TET2: variants seen among roughly 807,000 people sequenced by gnomAD.
TET2 encodes the protein tet methylcytosine dioxygenase 2.
TET2 carries 299 observed loss-of-function variants against 142.9 expected under a neutral mutation model. That is an observed-to-expected ratio of 2.09 (90% confidence interval 1.90 to 2.30). The LOEUF (loss-of-function observed/expected upper bound fraction) is 2.30. TET2 is among the 30% of genes most tolerant of loss of function. The probability of loss-of-function intolerance (pLI) is 0.00; values close to 1 mark genes in which losing one functional copy is unlikely to be tolerated. For missense variants in TET2, 2,418 were observed against 2,378.0 expected (o/e 1.02, Z -0.35); for synonymous variants, 819 against 849.0 (o/e 0.96, Z 0.61).
At chr4:105,196,202 T>C (rs1295379959) in intron 2 of TET2, among the ~76,000 whole-genome samples, 1 of 151,920 alleles carries the variant, frequency 6.6e-6, no homozygotes, top group Non-Finnish European at 1.5e-5. Context: ...AAAGTACCTC[T>C]GTATGCCCAT....
chr4:105,239,074 G>GTTTTTTTTTTT (rs372909927), intron 3 of TET2: 83 of 211,920 alleles, frequency 3.9e-4, no homozygotes, highest in Middle Eastern at 1.6e-3. Flanking sequence ...TTTGTTTTTT[G>GTTTTTTTTTTT]TTTTTTTTTT....
chr4:105,246,394 A>G (rs1362400738), intron 6 of TET2, among the ~76,000 whole-genome samples: 1 of 152,276 alleles, frequency 6.6e-6, no homozygotes, highest in Non-Finnish European at 1.5e-5. Flanking sequence ...TCAGGCAGAT[A>G]CAAAACTATT....
chr4:105,225,582 C>T (rs143688226), intron 2 of TET2, among the ~76,000 whole-genome samples: 50 of 152,188 alleles, frequency 3.3e-4, no homozygotes, highest in African/African-American at 1.2e-3. Flanking sequence ...GGCTGATATG[C>T]CCACATTGAC....
intron 1 of TET2, among the ~76,000 whole-genome samples, chr4:105,153,669 T>G (rs6533181): frequency 0.74 from 112,247 of 152,154 alleles, 42,082 homozygotes; most frequent in African/African-American, 0.87. Context: ...TCATACAGCC[T>G]ATACATGGCT....
At chr4:105,183,795 TC>T (rs1459879147) in intron 1 of TET2, among the ~76,000 whole-genome samples, 1 of 152,148 alleles carries the variant, frequency 6.6e-6, no homozygotes, top group Non-Finnish European at 1.5e-5. Flanking sequence ...TACCTGAAGT[TC>T]CTTGTGTGAA....
chr4:105,151,682 A>G (rs1723306976), intron 1 of TET2, among the ~76,000 whole-genome samples: 1 of 152,048 alleles, frequency 6.6e-6, no homozygotes, highest in Non-Finnish European at 1.5e-5. Context: ...TTCAATAAAA[A>G]TAAAAATAAA....
At chr4:105,240,324 T>G in intron 3 of TET2, 1 of 1,063,166 alleles carries the variant, frequency 9.4e-7, no homozygotes, top group African/African-American at 1.7e-5. Flanking sequence ...TATGCCTGTA[T>G]TTTTAAAAAA....
rs569638756 is a variant in TET2, at chr4:105,228,929, C to T, written c.-46-4968C>T. Among the ~76,000 whole-genome samples the T allele has an allele frequency of 1.2e-4, 18 of 152,212 alleles. No individual in the cohort carries two copies. The South Asian group carries it at 1.7e-3, about 14-fold the overall frequency. On this transcript the variant is annotated intron_variant, in intron 2 of 10. Transcript: ENST00000380013. The stretch of plus-strand genomic sequence containing the variant: ...TTGATGATTAAAAGCCATTGTCTCA[C>T]CCAAATTTTCTACTTGTTCAATAGA...
intron 3 of TET2, chr4:105,240,360 G>C: frequency 9.4e-7 from 1 of 1,069,390 alleles, no homozygotes; most frequent in Non-Finnish European, 1.1e-6. Context: ...TTCAGGATAT[G>C]TAATAGGTCT....
chr4:105,159,254 T>TC (rs1448771421), intron 1 of TET2, among the ~76,000 whole-genome samples: 97 of 148,282 alleles, frequency 6.5e-4, no homozygotes, highest in African/African-American at 9.4e-4. Flanking sequence ...TTTCTTTCTT[T>TC]TTTTTTTTTT....
At chr4:105,211,372 T>G (rs1727150294) in intron 2 of TET2, among the ~76,000 whole-genome samples, 1 of 152,202 alleles carries the variant, frequency 6.6e-6, no homozygotes, top group Non-Finnish European at 1.5e-5. Flanking sequence ...GGTGAAGGAA[T>G]CCAGACTATC....
chr4:105,163,899 T>C (rs1041871613), intron 1 of TET2, among the ~76,000 whole-genome samples: 23 of 150,676 alleles, frequency 1.5e-4, no homozygotes, highest in Admixed American at 1.1e-3. Context: ...TCCAGCTTTG[T>C]TGAGGTATAA....
chr4:105,178,336 T>C (rs187936671), intron 1 of TET2, among the ~76,000 whole-genome samples: 1 of 152,222 alleles, frequency 6.6e-6, no homozygotes, highest in East Asian at 1.9e-4. Flanking sequence ...AAGAAGCTAA[T>C]CCGAAAAGGC....
chr4:105,164,772 G>T (rs1253924098), intron 1 of TET2, among the ~76,000 whole-genome samples: 1 of 152,186 alleles, frequency 6.6e-6, no homozygotes, highest in Non-Finnish European at 1.5e-5. Flanking sequence ...GACCTGACAG[G>T]GAGATTGCAC....
At chr4:105,233,027 A>G (rs1445945060) in intron 2 of TET2, among the ~76,000 whole-genome samples, 1 of 152,216 alleles carries the variant, frequency 6.6e-6, no homozygotes, top group East Asian at 1.9e-4. Context: ...TTTGATAACA[A>G]AGGGAACCTT....
chr4:105,174,531 A>G (rs1724668149), intron 1 of TET2, among the ~76,000 whole-genome samples: 1 of 152,224 alleles, frequency 6.6e-6, no homozygotes, highest in African/African-American at 2.4e-5. Flanking sequence ...AGACAGGTAG[A>G]TAGAAAGAAT....
chr4:105,225,049 T>C (rs1361169558), intron 2 of TET2, among the ~76,000 whole-genome samples: 3 of 152,214 alleles, frequency 2.0e-5, no homozygotes, highest in African/African-American at 7.2e-5. Flanking sequence ...TAAAACTGCC[T>C]TTTTAGACTT....
intron 2 of TET2, among the ~76,000 whole-genome samples, chr4:105,200,626 CTGTT>C (rs1397383392): frequency 6.8e-6 from 1 of 147,250 alleles, no homozygotes; most frequent in Non-Finnish European, 1.5e-5. Context: ...CCAGGTCACA[CTGTT>C]TTTTTTTGTT....
chr4:105,179,046 TC>T (rs1724970348), intron 1 of TET2, among the ~76,000 whole-genome samples: 1 of 152,090 alleles, frequency 6.6e-6, no homozygotes, highest in Non-Finnish European at 1.5e-5. Flanking sequence ...CCATCAGATC[TC>T]ATGAGAACTC....
Sources: gnomAD v4.1 joint callset for allele counts (sites outside exome capture counted in the v4.1 genomes callset) on GRCh38, gnomAD v4.1.1 for gene constraint, MANE v1.5 for transcripts, NCBI Gene and HGNC (gene_info 2026-07-23, HGNC 2026-07-21) for gene names.